DENND2B: variants seen among roughly 807,000 people sequenced by gnomAD.
DENND2B encodes the protein DENN domain containing 2B.
A neutral mutation model predicts 116.0 loss-of-function variants in DENND2B; 32 were observed. That is an observed-to-expected ratio of 0.28 (90% CI 0.21 to 0.37). The LOEUF (loss-of-function observed/expected upper bound fraction) is 0.37, where lower values mean the gene tolerates loss of function less well. Among genes scored for constraint, DENND2B ranks in the 10% least tolerant of loss-of-function variants. The probability of loss-of-function intolerance (pLI) is 1.00; values close to 1 mark genes in which losing one functional copy is unlikely to be tolerated. For missense variants in DENND2B, 1,276 were observed against 1,477.7 expected (o/e 0.86, Z 2.24); for synonymous variants, 588 against 583.9 (o/e 1.01, Z -0.10).
chr11:8,714,115 G>A (rs931756), intron 7 of DENND2B, 73 bp from the exon 8 acceptor site: 862,285 of 1,472,358 alleles, frequency 0.59, 253,550 homozygotes, highest in East Asian at 0.68. Flanking sequence ...CACCACCCCA[G>A]CTTTTCTCAC....
At chr11:8,750,119 T>TTTATAGGGCA (rs1313332246) in intron 2 of DENND2B, among the ~76,000 whole-genome samples, 48 of 152,246 alleles carry the variant, frequency 3.2e-4, no homozygotes, top group Non-Finnish European at 6.0e-4. Context: ...AGGGAAACGT[T>TTTATAGGGCA]CTGAGAGCTC....
chr11:8,836,922 C>T (rs1264047766), intron 4 of DENND2B, among the ~76,000 whole-genome samples: 6 of 152,318 alleles, frequency 3.9e-5, no homozygotes, highest in South Asian at 2.1e-4. Flanking sequence ...CACCATGTTG[C>T]CCAGACTGGT....
intron 4 of DENND2B, among the ~76,000 whole-genome samples, chr11:8,816,484 A>G (rs1452925116): frequency 1.3e-5 from 2 of 151,768 alleles, no homozygotes; most frequent in African/African-American, 2.4e-5. Context: ...CTGGGAGGTT[A>G]AGGCTGCAGA....
intron 4 of DENND2B, among the ~76,000 whole-genome samples, chr11:8,721,133 G>A (rs953129877): frequency 1.3e-5 from 2 of 151,744 alleles, no homozygotes; most frequent in African/African-American, 4.8e-5. Context: ...TGAAATAAGG[G>A]ACAAAAGGCA....
At position 8,730,262 on chromosome 11, in the gene DENND2B, C is replaced by G. The variant is rs1193217559; in HGVS notation, c.1028G>C (p.Gly343Ala). ...SAGSRAVGVAGVAGEAGPPPE... is the reference protein window; with the variant it reads ...SAGSRAVGVAAVAGEAGPPPE... Reference sequence around the variant, plus strand: ...GGGTGGGCCCGCCTCCCCCGCAACACCAGCCACTCCGACTGCCCGGCTGCC... The same window carrying G: ...GGGTGGGCCCGCCTCCCCCGCAACAGCAGCCACTCCGACTGCCCGGCTGCC... The change falls in exon 3 of 20, where the codon GGT becomes GCT. Residue 343 changes from glycine to alanine, a missense_variant. Around this residue, in one of 2 missense-constraint regions of DENND2B, gnomAD observed 856 missense variants for 846.6 expected, o/e 1.01. Coordinates refer to ENST00000313726, the MANE Select transcript of DENND2B (RefSeq NM_213618.2). The surrounding 1 kb of genome is among the most constrained non-coding windows in gnomAD (Gnocchi z 4.1). 2 of 1,611,128 alleles carry G rather than the reference C, an allele frequency of 1.2e-6. No individual in the cohort carries two copies. The highest frequency in any genetic ancestry group is 1.3e-5 in the African/African-American group (1 of 74,936).
In DENND2B at chr11:8,764,659, C is replaced by T. The variant is rs141038149; in HGVS notation, c.-25-13934G>A. 4.7e-3 allele frequency among the ~76,000 whole-genome samples: 713 copies of T among 152,282 alleles called. 2 individuals carry two copies. Among genetic ancestry groups the T allele is most frequent in the Middle Eastern group, 0.014 (4 of 294 alleles). ...TCCCAAGTACACCCCTGCAGCCCCA[C>T]TCTATCTGGATAAAGAATTAGAAAA... On this transcript the variant is annotated intron_variant, in intron 1 of 19. Coordinates refer to ENST00000313726, the MANE Select transcript of DENND2B (RefSeq NM_213618.2).
intron 19 of DENND2B, among the ~76,000 whole-genome samples, chr11:8,694,854 G>GT (rs1245467868): frequency 6.6e-6 from 1 of 152,154 alleles, no homozygotes; most frequent in Non-Finnish European, 1.5e-5. Flanking sequence ...GAGCCCAGGA[G>GT]TTTGAGACCA....
intron 9 of DENND2B, chr11:8,711,940 T>G (rs1188529003): frequency 6.6e-6 from 3 of 455,652 alleles, no homozygotes; most frequent in African/African-American, 6.0e-5. Flanking sequence ...TCCATGCAGG[T>G]GTCTGGACAG....
At chr11:8,890,651 A>T (rs1035598299) in intron 1 of DENND2B, among the ~76,000 whole-genome samples, 4 of 152,212 alleles carry the variant, frequency 2.6e-5, no homozygotes, top group African/African-American at 7.2e-5. Flanking sequence ...GTGATTGAAG[A>T]TCAAATTAAT....
intron 4 of DENND2B, among the ~76,000 whole-genome samples, chr11:8,817,559 G>C (rs918534389): frequency 2.0e-5 from 3 of 152,100 alleles, no homozygotes; most frequent in Admixed American, 6.5e-5. Context: ...CTCTGAACTA[G>C]GGAAGTGTGG....
chr11:8,798,136 T>A (rs3763918), intron 1 of DENND2B, among the ~76,000 whole-genome samples: 61,385 of 152,042 alleles, frequency 0.4, 13,056 homozygotes, highest in Non-Finnish European at 0.46. Flanking sequence ...ATCTATTGAT[T>A]TGTTTACTTG....
At chr11:8,699,445 C>T in intron 14 of DENND2B, 55 bp from the exon 15 acceptor site, 1 of 1,517,366 alleles carries the variant, frequency 6.6e-7, no homozygotes, top group East Asian at 2.4e-5. Flanking sequence ...GAACTTAGAG[C>T]TCGCTGGAGG....
intron 6 of DENND2B, 50 bp from the exon 7 acceptor site, chr11:8,714,756 T>G: frequency 6.6e-7 from 1 of 1,513,874 alleles, no homozygotes; most frequent in Non-Finnish European, 9.2e-7. Flanking sequence ...CCAGCTGCCC[T>G]ACTTCCAAGA....
intron 4 of DENND2B, among the ~76,000 whole-genome samples, chr11:8,837,962 G>A (rs1028410592): frequency 1.3e-5 from 2 of 152,208 alleles, no homozygotes; most frequent in Non-Finnish European, 2.9e-5. Context: ...ACCCGCAGAA[G>A]GCTAAGCCTC....
intron 1 of DENND2B, among the ~76,000 whole-genome samples, chr11:8,788,573 T>G (rs2059116130): frequency 1.3e-5 from 2 of 152,176 alleles, no homozygotes; most frequent in South Asian, 4.1e-4. Context: ...CACAGAATTG[T>G]GCACCATCTC....
Position 8,729,932 on chromosome 11 carries a change from C to G in DENND2B, c.1340+18G>C. The G allele has an allele frequency of 6.2e-7, 1 of 1,611,874 alleles. No individual in the cohort carries two copies. The highest frequency in any genetic ancestry group is 8.5e-7 in the Non-Finnish European group (1 of 1,178,880). ...GCCACGGTATTCAGCTACAACACACCGGAGGGGCATGCATTACCTGCTCTG... is the reference window on the plus strand; with the variant it reads ...GCCACGGTATTCAGCTACAACACACGGGAGGGGCATGCATTACCTGCTCTG... On this transcript the variant is annotated intron_variant, in intron 3 of 19. Coordinates refer to ENST00000313726, the MANE Select transcript of DENND2B (RefSeq NM_213618.2).
At chr11:8,747,416 A>C (rs2051459894) in intron 2 of DENND2B, among the ~76,000 whole-genome samples, 1 of 152,178 alleles carries the variant, frequency 6.6e-6, no homozygotes, top group Non-Finnish European at 1.5e-5. Context: ...GCAAAAGTGA[A>C]ATCTCCTGAG....
At position 8,694,032 on chromosome 11, in the gene DENND2B, G is replaced by A. The variant is rs995772476; in HGVS notation, c.*64C>T. On this transcript the variant is annotated 3_prime_UTR_variant, in exon 20 of 20. Coordinates refer to ENST00000313726, the MANE Select transcript of DENND2B (RefSeq NM_213618.2). The stretch of plus-strand genomic sequence containing the variant: ...GCCACAGCAGCCCAGAGGGTCCCAG[G>A]CTGGGCCTTCTCCCCAGGCTTCAGG... 38 of 1,593,662 alleles carry A rather than the reference G, an allele frequency of 2.4e-5. 1 individual carries two copies. The African/African-American group carries it at 4.8e-4, about 20-fold the overall frequency.
intron 1 of DENND2B, among the ~76,000 whole-genome samples, chr11:8,891,286 A>G (rs193205966): frequency 9.2e-5 from 14 of 152,376 alleles, no homozygotes; most frequent in African/African-American, 2.9e-4. Flanking sequence ...CTGCAAAAAC[A>G]TGCCAAATTG....
Sources: allele counts gnomAD v4.1 joint callset (sites outside exome capture counted in the v4.1 genomes callset), GRCh38; gene constraint gnomAD v4.1.1; regional missense constraint gnomAD v4.1.1; non-coding constraint Gnocchi (gnomAD v3.1); transcripts MANE v1.5; gene names NCBI Gene and HGNC (gene_info 2026-07-23, HGNC 2026-07-21).